BLTP3A: variants seen among roughly 807,000 people sequenced by gnomAD.
BLTP3A encodes the protein bridge-like lipid transfer protein family member 3A.
At chr6:34,873,441 C>T in the BLTP3A span, 1 of 152,316 alleles carries the variant, frequency 6.6e-6, no homozygotes, top group African/African-American at 2.4e-5. Flanking sequence ...ACATAAACAA[C>T]TCAACCTGTT....
At chr6:34,794,897 G>C in the BLTP3A span, among the ~76,000 whole-genome samples, 2 of 151,444 alleles carry the variant, frequency 1.3e-5, no homozygotes, top group African/African-American at 4.9e-5. Flanking sequence ...AGATTCCCCT[G>C]CCTTAGCCTC....
At chr6:34,856,694 A>G in the BLTP3A span, 41 of 1,477,458 alleles carry the variant, frequency 2.8e-5, 1 homozygote, top group East Asian at 9.2e-4. Context: ...TTTCCTACAT[A>G]TAACATTAAT....
chr6:34,858,820 T>G, the BLTP3A span: 1 of 1,614,104 alleles, frequency 6.2e-7, no homozygotes, highest in South Asian at 1.1e-5. Context: ...GCTTGTACAT[T>G]CCCCGGCCCA....
the BLTP3A span, among the ~76,000 whole-genome samples, chr6:34,861,520 C>T: frequency 6.6e-6 from 1 of 152,190 alleles, no homozygotes; most frequent in Non-Finnish European, 1.5e-5. Context: ...ATAAAAATCA[C>T]TTGTAACAAT....
At chr6:34,867,734 C>A in the BLTP3A span, 2 of 1,334,510 alleles carry the variant, frequency 1.5e-6, no homozygotes, top group East Asian at 2.5e-5. Flanking sequence ...AAGTTCTCTC[C>A]AGCAGCCATT....
the BLTP3A span, chr6:34,857,213 T>C: frequency 7.9e-7 from 1 of 1,270,860 alleles, no homozygotes. Flanking sequence ...TGAAAGACAC[T>C]GTGTTCCCTG....
chr6:34,807,549 G>T, the BLTP3A span, among the ~76,000 whole-genome samples: 2 of 152,178 alleles, frequency 1.3e-5, no homozygotes, highest in Non-Finnish European at 2.9e-5. Context: ...CTACTGTTGC[G>T]AATTAAGAAA....
chr6:34,801,091 C>T, the BLTP3A span, among the ~76,000 whole-genome samples: 1 of 152,188 alleles, frequency 6.6e-6, no homozygotes, highest in Non-Finnish European at 1.5e-5. Flanking sequence ...CATTTGCCTA[C>T]ACAGCAATCT....
At chr6:34,856,128 C>G in the BLTP3A span, 1 of 1,345,318 alleles carries the variant, frequency 7.4e-7, no homozygotes, top group Non-Finnish European at 1.0e-6. Flanking sequence ...GAGATTTCTG[C>G]ACTGTGGGTG....
At chr6:34,834,379 C>T in the BLTP3A span, 1 of 1,613,520 alleles carries the variant, frequency 6.2e-7, no homozygotes. Flanking sequence ...TTCGCCTTAC[C>T]CGCATCACTG....
At chr6:34,840,547 C>T in the BLTP3A span, among the ~76,000 whole-genome samples, 1 of 150,854 alleles carries the variant, frequency 6.6e-6, no homozygotes, top group East Asian at 2.0e-4. Context: ...GCCTGGGGGA[C>T]AAGAGCGAGA....
the BLTP3A span, among the ~76,000 whole-genome samples, chr6:34,822,253 A>ATTT: frequency 3.6e-5 from 5 of 139,632 alleles, no homozygotes; most frequent in East Asian, 4.2e-4. Flanking sequence ...TTCCCTTGAA[A>ATTT]TTTTTTTTTT....
the BLTP3A span, among the ~76,000 whole-genome samples, chr6:34,794,033 G>A: frequency 6.6e-6 from 1 of 151,974 alleles, no homozygotes; most frequent in African/African-American, 2.4e-5. Context: ...GGTGGTACAA[G>A]TCTGTAATCC....
the BLTP3A span, chr6:34,859,362 G>A: frequency 6.2e-7 from 1 of 1,614,174 alleles, no homozygotes; most frequent in Admixed American, 1.7e-5. Context: ...AGACTGCTGT[G>A]AATGGACAGG....
the BLTP3A span, chr6:34,859,396 A>G: frequency 6.2e-7 from 1 of 1,614,004 alleles, no homozygotes; most frequent in Non-Finnish European, 8.5e-7. Flanking sequence ...CTTGAAGAAC[A>G]TTGAGGGAGA....
At chr6:34,839,753 C>G in the BLTP3A span, among the ~76,000 whole-genome samples, 1 of 152,250 alleles carries the variant, frequency 6.6e-6, no homozygotes, top group Non-Finnish European at 1.5e-5. Context: ...TGCTCGCATG[C>G]ATAAAGCTGC....
the BLTP3A span, among the ~76,000 whole-genome samples, chr6:34,835,776 T>C: frequency 1.8e-4 from 28 of 152,232 alleles, no homozygotes; most frequent in Middle Eastern, 3.4e-3. Context: ...ATAAATGCTG[T>C]AATACAATAA....
At chr6:34,826,026 ATT>A in the BLTP3A span, among the ~76,000 whole-genome samples, 1 of 76,642 alleles carries the variant, frequency 1.3e-5, no homozygotes, top group Non-Finnish European at 2.4e-5. Flanking sequence ...TACATTTTGC[ATT>A]TTTTTTTTTT....
chr6:34,795,990 A>T, the BLTP3A span, among the ~76,000 whole-genome samples: 1 of 152,094 alleles, frequency 6.6e-6, no homozygotes, highest in South Asian at 2.1e-4. Context: ...ATCACATGTG[A>T]CATTTGTGTC....
Sources: allele counts gnomAD v4.1 joint callset (sites outside exome capture counted in the v4.1 genomes callset), GRCh38; gene constraint gnomAD v4.1.1; transcripts MANE v1.5; gene names NCBI Gene and HGNC (gene_info 2026-07-23, HGNC 2026-07-21).